The following GPX8 variants were observed in gnomAD, a reference collection of about 807,000 sequenced individuals.
The protein encoded by GPX8 is glutathione peroxidase 8 (putative).
In GPX8, 12 loss-of-function variants were observed where a neutral mutation model predicts 17.8. The ratio of observed to expected loss-of-function variants is 0.67; its 90% CI spans 0.43 to 1.09. The LOEUF is 1.09. Among genes scored for constraint, GPX8 ranks in the 50% least tolerant of loss-of-function variants. The pLI, the probability that GPX8 is intolerant of heterozygous loss-of-function variation, is 0.00. For synonymous variants in GPX8, 86 were observed against 88.1 expected, an observed-to-expected ratio of 0.98 and a Z score of 0.14; for missense variants, 209 against 235.6, an observed-to-expected ratio of 0.89 and a Z score of 0.74.
chr5:55,160,728 T>A, intron 1 of GPX8: 1 of 467,196 alleles, frequency 2.1e-6, no homozygotes. Flanking sequence ...TAAAAAGAAC[T>A]TATCAAGGAT....
Position 55,160,348 on chromosome 5 carries a change from G to A in GPX8, c.156G>A (p.Val52=), listed in dbSNP as rs1302108373. 6.2e-7 allele frequency: 1 copy of A among 1,613,518 alleles called. No homozygotes were observed. The highest frequency in any genetic ancestry group is 8.5e-7 in the Non-Finnish European group (1 of 1,179,960). ...TCAACAGCTTTTATGCCTTTGAAGT[G>A]AAGGATGCAAAAGGAAGAACTGTTT... ...PKINSFYAFE[V]KDAKGRTVSL... Residue 52 remains valine, a synonymous_variant, in exon 1 of 3, where the codon GTG becomes GTA. Transcript: ENST00000503787.
At chr5:55,160,783 A>G in intron 1 of GPX8, 1 of 524,308 alleles carries the variant, frequency 1.9e-6, no homozygotes, top group Non-Finnish European at 3.3e-6. Context: ...ATGAGTATCT[A>G]ATGCTTTTTT....
chr5:55,164,438 G>T lies in GPX8; in HGVS notation c.*220G>T. 1 of 316,028 alleles carries T rather than the reference G, an allele frequency of 3.2e-6. No individual in the cohort carries two copies. Among genetic ancestry groups the T allele is most frequent in the Non-Finnish European group, 5.7e-6 (1 of 174,862 alleles). 19.6% of individuals were successfully genotyped at this position (316,028 alleles called of 1,614,324 possible). A position where few individuals can be genotyped will look rare whatever the true frequency, so the allele number is the denominator to read the frequency against. On this transcript the variant is annotated 3_prime_UTR_variant, in exon 3 of 3. Coordinates refer to ENST00000503787, the MANE Select transcript of GPX8 (RefSeq NM_001008397.4). The stretch of plus-strand genomic sequence containing the variant: ...TGTTATCTTGCTATTAAGTGGTAAT[G>T]AATGTTCCCAGGATGAGGATGTTAC...
rs967698888 is a variant in GPX8, at chr5:55,164,994, T to A, written c.*776T>A. 9.2e-5 allele frequency: 14 copies of A among 152,234 alleles called. No individual in the cohort carries two copies. The highest frequency in any genetic ancestry group is 3.4e-4 in the African/African-American group (14 of 41,462). 9.4% of individuals were successfully genotyped at this position (152,234 alleles called of 1,614,324 possible). A position where few individuals can be genotyped will look rare whatever the true frequency, so the allele number is the denominator to read the frequency against. On this transcript the variant is annotated 3_prime_UTR_variant, in exon 3 of 3. Transcript: ENST00000503787. The stretch of plus-strand genomic sequence containing the variant: ...CATAATATTACCAAGTAAGTCAGTC[T>A]TTATTTTTGCGTGAAAATCCCAAGT...
chr5:55,161,092 C>T lies in GPX8; in HGVS notation c.303C>T (p.Phe101=), dbSNP rs1004038814. 1.2e-6 allele frequency: 2 copies of T among 1,614,228 alleles called. No individual in the cohort carries two copies. The highest frequency in any genetic ancestry group is 1.7e-6 in the Non-Finnish European group (2 of 1,180,040). Residue 101 remains phenylalanine, a synonymous_variant, in exon 2 of 3, where the codon TTC becomes TTT. Transcript: ENST00000503787. ...ACAAAGAGTTTGGACCATCCCACTT[C>T]AGCGTGTTGGCTTTTCCCTGCAATC... The part of the protein sequence containing the change: ...ELHKEFGPSH[F]SVLAFPCNQF...
intron 2 of GPX8, among the ~76,000 whole-genome samples, chr5:55,162,871 A>G (rs934898318): frequency 3.3e-5 from 5 of 152,232 alleles, no homozygotes; most frequent in Non-Finnish European, 7.3e-5. Flanking sequence ...CCACTTAGAT[A>G]GGAAGGATCA....
Position 55,164,416 on chromosome 5 carries a change from T to G in GPX8, c.*198T>G. ...GCAATGAAGGATTTTTTTTTAATGT[T>G]ATCTTGCTATTAAGTGGTAATGAAT... On this transcript the variant is annotated 3_prime_UTR_variant, in exon 3 of 3. Coordinates refer to ENST00000503787, the MANE Select transcript of GPX8 (RefSeq NM_001008397.4). 2.8e-6 allele frequency: 1 copy of G among 360,272 alleles called. No homozygotes were observed. The highest frequency in any genetic ancestry group is 4.9e-6 in the Non-Finnish European group (1 of 203,206). 22.3% of individuals were successfully genotyped at this position (360,272 alleles called of 1,614,324 possible).
In GPX8 at chr5:55,160,253, G is replaced by GT; in HGVS notation, c.65dup (p.Leu22PhefsTer22). 1 of 1,614,002 alleles carries GT rather than the reference G, an allele frequency of 6.2e-7. No homozygotes were observed. The highest frequency in any genetic ancestry group is 8.5e-7 in the Non-Finnish European group (1 of 1,179,864). On this transcript the variant is annotated frameshift_variant, in exon 1 of 3. Coordinates refer to ENST00000503787, the MANE Select transcript of GPX8 (RefSeq NM_001008397.4). LOFTEE classifies it high-confidence loss of function. The stretch of plus-strand genomic sequence containing the variant: ...CGGGCCCAGAGCAAAGGTATTTGCA[G>GT]TTTTGCTGTCTATAGTTCTATGCAC...
At position 55,165,303 on chromosome 5, in the gene GPX8, A is replaced by G. The variant is rs1744323474; in HGVS notation, c.*1085A>G. ...GACCTTTATATTTTGTTAGCCTTAT[A>G]ATTGACTAACAAAGCAACCTGCCAA... On this transcript the variant is annotated 3_prime_UTR_variant, in exon 3 of 3. Coordinates refer to ENST00000503787, the MANE Select transcript of GPX8 (RefSeq NM_001008397.4). 1 of 152,296 alleles carries G rather than the reference A, an allele frequency of 6.6e-6. No homozygotes were observed. Among genetic ancestry groups the G allele is most frequent in the Middle Eastern group, 3.4e-3 (1 of 294 alleles). The allele number at this position is 152,296 out of a possible 1,614,324, so 9.4% of individuals were successfully genotyped here.
chr5:55,162,656 T>TGAATAA (rs750139154), intron 2 of GPX8, among the ~76,000 whole-genome samples: 4 of 152,258 alleles, frequency 2.6e-5, no homozygotes, highest in Non-Finnish European at 5.9e-5. Context: ...GCAACCACAG[T>TGAATAA]GAGGTCTTTA....
intron 2 of GPX8, among the ~76,000 whole-genome samples, chr5:55,163,071 G>A (rs538340109): frequency 6.6e-6 from 1 of 152,146 alleles, no homozygotes; most frequent in African/African-American, 2.4e-5. Flanking sequence ...TTTGAAGCAC[G>A]GAGCGTACAT....
intron 2 of GPX8, 115 bp downstream of exon 2, chr5:55,161,370 A>C: frequency 9.8e-7 from 1 of 1,024,872 alleles, no homozygotes; most frequent in Non-Finnish European, 1.4e-6. Flanking sequence ...GCTTCATAAA[A>C]CTATCATCAA....
Position 55,162,455 on chromosome 5 carries a change from T to G in GPX8, c.466+1200T>G, listed in dbSNP as rs147470963. Among the ~76,000 whole-genome samples the G allele has an allele frequency of 1.4e-3, 214 of 152,344 alleles. 1 individual carries two copies. Among genetic ancestry groups the G allele is most frequent in the African/African-American group, 5.1e-3 (210 of 41,574 alleles). ...TCATCTAACTTATTCTGATGACATC[T>G]TCAGTCCTATTTTCACTGTAAATAA... On this transcript the variant is annotated intron_variant, in intron 2 of 2. Transcript: ENST00000503787.
intron 2 of GPX8, 63 bp from the exon 3 acceptor site, chr5:55,163,992 A>G (rs1450850526): frequency 1.6e-6 from 2 of 1,228,442 alleles, no homozygotes; most frequent in Non-Finnish European, 2.3e-6. Context: ...AGATACTAAT[A>G]GAAGTGAAAA....
rs1744404736 is a variant in GPX8, at chr5:55,166,650, T to A, written c.*2432T>A. On this transcript the variant is annotated 3_prime_UTR_variant, in exon 3 of 3. Transcript: ENST00000503787. Reference sequence around the variant, plus strand: ...GTTGAATCTTTCCTATATTGGACAATCTTCCTTCAGTCTTGTTTCTGCATC... The same window carrying A: ...GTTGAATCTTTCCTATATTGGACAAACTTCCTTCAGTCTTGTTTCTGCATC... 6.6e-6 allele frequency: 1 copy of A among 152,180 alleles called. No individual in the cohort carries two copies. Among genetic ancestry groups the A allele is most frequent in the Admixed American group, 6.5e-5 (1 of 15,272 alleles). 9.4% of individuals were successfully genotyped at this position (152,180 alleles called of 1,614,324 possible). A position where few individuals can be genotyped will look rare whatever the true frequency, so the allele number is the denominator to read the frequency against.
Position 55,160,256 on chromosome 5 carries a change from T to C in GPX8, c.64T>C (p.Leu22=), listed in dbSNP as rs1743967656. ...SGPRAKVFAV[L]LSIVLCTVTL... ...GCCCAGAGCAAAGGTATTTGCAGTT[T>C]TGCTGTCTATAGTTCTATGCACAGT... is the stretch of plus-strand genomic sequence containing the variant. The change falls in exon 1 of 3, where the codon TTG becomes CTG. Residue 22 remains leucine (L), a synonymous_variant. Transcript: ENST00000503787. The C allele has an allele frequency of 3.1e-6, 5 of 1,614,122 alleles. No homozygotes were observed. The East Asian group carries it at 1.1e-4, about 36-fold the overall frequency.
At position 55,160,225 on chromosome 5, in the gene GPX8, T is replaced by C; in HGVS notation, c.33T>C (p.Cys11=). The change falls in exon 1 of 3, where the codon TGT becomes TGC. Residue 11 remains cysteine (C), a synonymous_variant. Coordinates refer to ENST00000503787, the MANE Select transcript of GPX8 (RefSeq NM_001008397.4). ...CTCTTGCAGCTTACCCGCTAAAATG[T>C]TCCGGGCCCAGAGCAAAGGTATTTG... MEPLAAYPLK[C]SGPRAKVFAV... 6.2e-7 allele frequency: 1 copy of C among 1,614,152 alleles called. No homozygotes were observed. The highest frequency in any genetic ancestry group is 8.5e-7 in the Non-Finnish European group (1 of 1,179,986).
chr5:55,162,893 G>GGA (rs1437333636), intron 2 of GPX8, among the ~76,000 whole-genome samples: 1 of 152,176 alleles, frequency 6.6e-6, no homozygotes, highest in African/African-American at 2.4e-5. Context: ...AGAGCCCAAA[G>GGA]GTTAAGAGCA....
Position 55,161,150 on chromosome 5 carries a change from G to A in GPX8, c.361G>A (p.Glu121Lys), listed in dbSNP as rs1580368450. 1 of 1,614,052 alleles carries A rather than the reference G, an allele frequency of 6.2e-7. No homozygotes were observed. The highest frequency in any genetic ancestry group is 8.5e-7 in the Non-Finnish European group (1 of 1,180,042). Residue 121 changes from glutamate (E) to lysine (K), a missense_variant, in exon 2 of 3, where the codon GAA becomes AAA. Coordinates refer to ENST00000503787, the MANE Select transcript of GPX8 (RefSeq NM_001008397.4). ...FGESEPRPSK[E>K]VESFARKNYG... ...AGAATCGGAGCCCCGCCCAAGCAAGGAAGTAGAATCTTTTGCAAGAAAAAA... is the reference window on the plus strand; with the variant it reads ...AGAATCGGAGCCCCGCCCAAGCAAGAAAGTAGAATCTTTTGCAAGAAAAAA...
Sources: gnomAD v4.1 joint callset for allele counts (sites outside exome capture counted in the v4.1 genomes callset) on GRCh38, gnomAD v4.1.1 for gene constraint, MANE v1.5 for transcripts, NCBI Gene and HGNC (gene_info 2026-07-23, HGNC 2026-07-21) for gene names.